The following ACSL4 variants were observed in gnomAD, a reference collection of about 807,000 sequenced individuals.
The protein encoded by ACSL4 is long-chain-fatty-acid--CoA ligase 4.
Under a neutral mutation model 49.1 loss-of-function variants are expected in ACSL4, and 9 were observed. That is an observed-to-expected ratio of 0.18 (90% CI 0.11 to 0.32). ACSL4 has a LOEUF of 0.32. ACSL4 is among the 10% of genes least tolerant of loss of function. The pLI, the probability that ACSL4 is intolerant of heterozygous loss-of-function variation, is 1.00. For synonymous variants in ACSL4, 191 were observed against 170.3 expected, an observed-to-expected ratio of 1.12 and a Z score of -0.95; for missense variants, 333 against 493.7, an observed-to-expected ratio of 0.67 and a Z score of 3.08.
intron 1 of ACSL4, among the ~76,000 whole-genome samples, chrX:109,728,339 C>T (rs1340909274): frequency 8.9e-6 from 1 of 112,291 alleles, no homozygotes; most frequent in Admixed American, 9.5e-5. Context: ...ACTCAAAATG[C>T]AGAAGTAGAC....
rs5943422 is a variant in ACSL4, at chrX:109,716,494, G to T, written c.-66+16645C>A. ...AGGAAGAAAAATGCAGAGTTGAAAG[G>T]CACCAACTGAGAAACTAAAACATCT... On this transcript the variant is annotated intron_variant, in intron 1 of 15. Coordinates refer to ENST00000672401, the MANE Select transcript of ACSL4 (RefSeq NM_001318510.2). 6.8e-3 allele frequency among the ~76,000 whole-genome samples: 763 copies of T among 111,851 alleles called. 3 individuals carry two copies. Among genetic ancestry groups the T allele is most frequent in the Non-Finnish European group, 0.011 (605 of 53,196 alleles).
At chrX:109,711,296 G>A (rs1252666171) in intron 1 of ACSL4, among the ~76,000 whole-genome samples, 3 of 111,796 alleles carry the variant, frequency 2.7e-5, no homozygotes, top group Admixed American at 9.5e-5. Flanking sequence ...TTTATGGTAG[G>A]TAGTACCAGA....
At position 109,661,569 on chromosome X, in the gene ACSL4, A is replaced by G. The variant is rs1922181323; in HGVS notation, c.1659T>C (p.Asn553=). 8.3e-7 allele frequency: 1 copy of G among 1,207,520 alleles called. No individual in the cohort carries two copies. The highest frequency in any genetic ancestry group is 1.8e-5 in the African/African-American group (1 of 57,076). Residue 553 remains asparagine, a synonymous_variant, in exon 14 of 16, where the codon AAT becomes AAC. Transcript: ENST00000672401. ...CACAGATGTTGTCAATAAGTGGACA[A>G]TTCTTCAGTGCAGCTTCTACTTTCC... ...SLGKVEAALK[N]CPLIDNICAF... is the part of the protein sequence containing the mutation.
At chrX:109,655,184 G>A (rs1276452072) in intron 15 of ACSL4, among the ~76,000 whole-genome samples, 2 of 111,792 alleles carry the variant, frequency 1.8e-5, no homozygotes. Context: ...AGGATCAGCA[G>A]ACACTTGGGA....
chrX:109,645,669 G>A (rs1397771771), intron 15 of ACSL4, among the ~76,000 whole-genome samples: 3 of 112,495 alleles, frequency 2.7e-5, no homozygotes, highest in Non-Finnish European at 5.6e-5. Flanking sequence ...AAAGCTGGAC[G>A]GAGAATGACT....
chrX:109,724,861 G>T (rs768919665), intron 1 of ACSL4, among the ~76,000 whole-genome samples: 1 of 110,272 alleles, frequency 9.1e-6, no homozygotes, highest in South Asian at 3.9e-4. Flanking sequence ...GTAGTGAGCC[G>T]AGATCATGCC....
intron 1 of ACSL4, among the ~76,000 whole-genome samples, chrX:109,717,478 A>C (rs962742511): frequency 9.0e-6 from 1 of 111,010 alleles, no homozygotes; most frequent in Non-Finnish European, 1.9e-5. Flanking sequence ...CCTGGGTGAC[A>C]AGAACAAAAC....
chrX:109,666,640 C>A (rs868084881), intron 11 of ACSL4, among the ~76,000 whole-genome samples: 1 of 111,397 alleles, frequency 9.0e-6, no homozygotes. Flanking sequence ...TCAGGGCAGG[C>A]GCAGTGGCTC....
intron 15 of ACSL4, among the ~76,000 whole-genome samples, chrX:109,645,429 C>G (rs1433022712): frequency 8.9e-6 from 1 of 111,936 alleles, no homozygotes. Context: ...CCTCACACGG[C>G]CGGGTACTCC....
At chrX:109,715,188 A>G (rs1160578592) in intron 1 of ACSL4, among the ~76,000 whole-genome samples, 2 of 112,625 alleles carry the variant, frequency 1.8e-5, no homozygotes, top group Non-Finnish European at 3.7e-5. Flanking sequence ...AACCAAAGAA[A>G]AAGATTTTGG....
chrX:109,725,470 AC>A (rs1208706746), intron 1 of ACSL4, among the ~76,000 whole-genome samples: 5 of 110,995 alleles, frequency 4.5e-5, no homozygotes, highest in African/African-American at 1.6e-4. Flanking sequence ...TGAGTATAAA[AC>A]CCTTTTAGAT....
In ACSL4 at chrX:109,668,273, C is replaced by A. The variant is rs747207513; in HGVS notation, c.1143G>T (p.Leu381=). 1.2e-5 allele frequency: 14 copies of A among 1,193,145 alleles called. No individual in the cohort carries two copies. In the East Asian group the frequency reaches 2.7e-4, roughly 23 times the overall value. ...GGGCCTTGACCTTTTTAAACAGTAACCTTAATAAAGGGAGGATAAATGATT... is the reference window on the plus strand; with the variant it reads ...GGGCCTTGACCTTTTTAAACAGTAAACTTAATAAAGGGAGGATAAATGATT... The part of the protein sequence containing the change: ...KKGYDAPLCN[L]LLFKKVKALL... Residue 381 remains leucine (L), a splice_region_variant and synonymous_variant, in exon 11 of 16, where the codon CTG becomes CTT. Coordinates refer to ENST00000672401, the MANE Select transcript of ACSL4 (RefSeq NM_001318510.2).
chrX:109,665,422 T>C lies in ACSL4; in HGVS notation c.1388A>G (p.Glu463Gly). The change falls in exon 12 of 16, where the codon GAA becomes GGA. Residue 463 changes from glutamate (E) to glycine (G), a missense_variant and splice_region_variant. Glu to Gly is a moderately conservative substitution (Grantham distance 98). This residue lies in a region of ACSL4 where 175 missense variants were observed against 275.8 expected (regional missense o/e 0.63). Transcript: ENST00000672401. ...CCEIKLKDWQ[E>G]GGYTINDKPN... ...AGAGCTTTTCATAAAATTCTTACCTTCTTGCCAGTCTTTTAGCTTAATTTC... is the reference window on the plus strand; with the variant it reads ...AGAGCTTTTCATAAAATTCTTACCTCCTTGCCAGTCTTTTAGCTTAATTTC... The C allele has an allele frequency of 8.3e-7, 1 of 1,206,635 alleles. No homozygotes were observed. The highest frequency in any genetic ancestry group is 1.1e-6 in the Non-Finnish European group (1 of 890,998).
At chrX:109,681,450 T>C in intron 4 of ACSL4, 75 bp from the exon 5 acceptor site, 6 of 684,219 alleles carry the variant, frequency 8.8e-6, no homozygotes, top group African/African-American at 2.2e-5. Flanking sequence ...AGTCAGTCTT[T>C]AATAATAGTT....
At chrX:109,684,807 G>A (rs1047222394) in intron 2 of ACSL4, among the ~76,000 whole-genome samples, 5 of 111,022 alleles carry the variant, frequency 4.5e-5, no homozygotes, top group Non-Finnish European at 9.4e-5. Flanking sequence ...CCAGGCTCAG[G>A]GACCATATGA....
At chrX:109,669,429 T>G (rs1056460267) in intron 9 of ACSL4, among the ~76,000 whole-genome samples, 2 of 107,969 alleles carry the variant, frequency 1.9e-5, no homozygotes, top group Non-Finnish European at 3.8e-5. Context: ...AGTCTCACTC[T>G]GCTGCCCAGG....
At position 109,644,008 on chromosome X, in the gene ACSL4, T is replaced by C. The variant is rs764281998; in HGVS notation, c.*21A>G. 8.3e-7 allele frequency: 1 copy of C among 1,210,517 alleles called. No homozygotes were observed. The highest frequency in any genetic ancestry group is 1.8e-5 in the South Asian group (1 of 56,996). The stretch of plus-strand genomic sequence containing the variant: ...ACCACCAGGCTACCTCCTGCACAAC[T>C]GTCAATAAGACAACAACATTTTATT... On this transcript the variant is annotated 3_prime_UTR_variant, in exon 16 of 16. Transcript: ENST00000672401.
At chrX:109,716,161 C>G (rs1024334478) in intron 1 of ACSL4, among the ~76,000 whole-genome samples, 2 of 111,548 alleles carry the variant, frequency 1.8e-5, no homozygotes, top group African/African-American at 3.3e-5. Flanking sequence ...GTGGAGCTTA[C>G]TGTTCAATTG....
intron 14 of ACSL4, among the ~76,000 whole-genome samples, chrX:109,660,195 GA>G (rs1400728033): frequency 9.0e-6 from 1 of 111,065 alleles, no homozygotes; most frequent in African/African-American, 3.3e-5. Context: ...TCATATATCT[GA>G]TAAGGGGTTA....
Sources: gnomAD v4.1 joint callset for allele counts (sites outside exome capture counted in the v4.1 genomes callset) on GRCh38, gnomAD v4.1.1 for gene constraint, gnomAD v4.1.1 regional missense constraint, MANE v1.5 for transcripts, NCBI Gene and HGNC (gene_info 2026-07-23, HGNC 2026-07-21) for gene names.